ZNF283: variants seen among roughly 807,000 people sequenced by gnomAD.
ZNF283 encodes the protein zinc finger protein 41.
Under a neutral mutation model 9.2 loss-of-function variants are expected in ZNF283, and 10 were observed. That is an observed-to-expected ratio of 1.09 (90% CI 0.67 to 1.85). The LOEUF (loss-of-function observed/expected upper bound fraction) is 1.85, where lower values mean the gene tolerates loss of function less well. Ranked by LOEUF, ZNF283 falls within the 40% of genes most tolerant of loss-of-function variation. The probability of loss-of-function intolerance (pLI) is 0.00; values close to 1 mark genes in which losing one functional copy is unlikely to be tolerated. For missense variants in ZNF283, 631 were observed against 760.1 expected (o/e 0.83, Z 2.00); for synonymous variants, 234 against 244.1 (o/e 0.96, Z 0.38).
intron 6 of ZNF283, among the ~76,000 whole-genome samples, chr19:43,839,767 T>A (rs1971125198): frequency 6.6e-6 from 1 of 152,174 alleles, no homozygotes; most frequent in Non-Finnish European, 1.5e-5. Context: ...TTGGTTCCTT[T>A]TTTTTATAAT....
In ZNF283 at chr19:43,836,593, A is replaced by C. The variant is rs185086170; in HGVS notation, c.211-460A>C. Among the ~76,000 whole-genome samples, 329 of 152,272 alleles carry C rather than the reference A, an allele frequency of 2.2e-3. 4 individuals are homozygous for C. The highest frequency in any genetic ancestry group is 7.4e-3 in the African/African-American group (308 of 41,566). On this transcript the variant is annotated intron_variant, in intron 5 of 6. Transcript: ENST00000618787. ...TGACCTCAAGTGATTTGCCTGCCTC[A>C]GCCTCCCAAAGTGCTTGGGATTACG...
chr19:43,850,855 T>C lies in ZNF283; in HGVS notation c.*2214T>C, dbSNP rs1428690158. ...GTTAGTTATGAAGAAATAGAGTGTG[T>C]GTTTATATACTCACACAGTTAGAAA... On this transcript the variant is annotated 3_prime_UTR_variant, in exon 7 of 7. Coordinates refer to ENST00000618787, the MANE Select transcript of ZNF283 (RefSeq NM_181845.2). 1 of 152,220 alleles carries C rather than the reference T, an allele frequency of 6.6e-6. No individual in the cohort carries two copies. Among genetic ancestry groups the C allele is most frequent in the Non-Finnish European group, 1.5e-5 (1 of 68,036 alleles). 9.4% of individuals were successfully genotyped at this position (152,220 alleles called of 1,614,324 possible). A position where few individuals can be genotyped will look rare whatever the true frequency, so the allele number is the denominator to read the frequency against.
chr19:43,835,080 G>T (rs771160229), intron 4 of ZNF283, among the ~76,000 whole-genome samples: 1 of 151,974 alleles, frequency 6.6e-6, no homozygotes, highest in Admixed American at 6.6e-5. Context: ...GATGTTCTGC[G>T]TCATGAATAT....
rs1398972851 is a variant in ZNF283, at chr19:43,830,768, T to TG, written c.-64-548dup. ...AATTACAAAAATTAGCCGGGCGTGGTGGCGTGCACCTGTAGACCCAGCTAT... is the reference window on the plus strand; with the variant it reads ...AATTACAAAAATTAGCCGGGCGTGGTGGGCGTGCACCTGTAGACCCAGCTAT... On this transcript the variant is annotated intron_variant, in intron 2 of 6. Transcript: ENST00000618787. 5.3e-5 allele frequency among the ~76,000 whole-genome samples: 8 copies of TG among 151,992 alleles called. No homozygotes were observed. In the East Asian group the frequency reaches 9.7e-4, roughly 18 times the overall value.
At position 43,848,233 on chromosome 19, in the gene ZNF283, A is replaced by AT. The variant is rs1489536185; in HGVS notation, c.1633dup (p.Cys545LeufsTer2). Reference sequence around the variant, plus strand: ...TCCATACAGGGGAGAAACCCTATGAATGTAAAGAATGTGGGAAGGCTTTTA... The same window carrying AT: ...TCCATACAGGGGAGAAACCCTATGAATTGTAAAGAATGTGGGAAGGCTTTTA... On this transcript the variant is annotated frameshift_variant, in exon 7 of 7. Coordinates refer to ENST00000618787, the MANE Select transcript of ZNF283 (RefSeq NM_181845.2). LOFTEE classifies it low-confidence loss of function (END_TRUNC). The AT allele has an allele frequency of 6.2e-7, 1 of 1,613,894 alleles. No homozygotes were observed. The highest frequency in any genetic ancestry group is 1.1e-5 in the South Asian group (1 of 91,066).
chr19:43,832,549 A>C (rs1332345432), intron 3 of ZNF283, among the ~76,000 whole-genome samples: 3 of 152,194 alleles, frequency 2.0e-5, no homozygotes, highest in African/African-American at 7.2e-5. Flanking sequence ...TTTTGCTCAC[A>C]TTGTTATTTA....
intron 6 of ZNF283, among the ~76,000 whole-genome samples, chr19:43,839,575 G>C (rs1209007483): frequency 6.6e-6 from 1 of 152,026 alleles, no homozygotes; most frequent in East Asian, 1.9e-4. Flanking sequence ...TGATGTGTAT[G>C]TTGGTGTGCT....
intron 6 of ZNF283, among the ~76,000 whole-genome samples, chr19:43,844,233 T>A (rs1478453706): frequency 6.6e-6 from 1 of 151,976 alleles, no homozygotes; most frequent in East Asian, 1.9e-4. Flanking sequence ...AATATATAAC[T>A]ACATAAACTA....
intron 6 of ZNF283, 116 bp downstream of exon 6, chr19:43,837,295 C>A: frequency 7.3e-6 from 8 of 1,091,022 alleles, no homozygotes; most frequent in East Asian, 2.6e-5. Context: ...TCCCCCTTCC[C>A]AAGGGCATGC....
chr19:43,847,434 T>C lies in ZNF283; in HGVS notation c.833T>C (p.Leu278Pro). The C allele has an allele frequency of 6.2e-7, 1 of 1,614,042 alleles. No homozygotes were observed. Among genetic ancestry groups the C allele is most frequent in the Non-Finnish European group, 8.5e-7 (1 of 1,179,952 alleles). ...AAGACCTTTAGCTGGGGATCAAGCCTTGTTAAACATGAGAGAATTCACACT... is the reference window on the plus strand; with the variant it reads ...AAGACCTTTAGCTGGGGATCAAGCCCTGTTAAACATGAGAGAATTCACACT... ...CGKTFSWGSSLVKHERIHTGE... is the reference protein window; with the variant it reads ...CGKTFSWGSSPVKHERIHTGE... Residue 278 changes from leucine to proline, a missense_variant, in exon 7 of 7, where the codon CTT becomes CCT. Coordinates refer to ENST00000618787, the MANE Select transcript of ZNF283 (RefSeq NM_181845.2).
Position 43,848,487 on chromosome 19 carries a change from G to T in ZNF283, c.1886G>T (p.Arg629Leu), listed in dbSNP as rs1061768. 1 of 1,613,362 alleles carries T rather than the reference G, an allele frequency of 6.2e-7. No individual in the cohort carries two copies. Among genetic ancestry groups the T allele is most frequent in the Non-Finnish European group, 8.5e-7 (1 of 1,179,504 alleles). The change falls in exon 7 of 7, where the codon CGT becomes CTT. Residue 629 changes from arginine to leucine, a missense_variant. By Grantham distance (102) the Arg-to-Leu change is moderately radical. Transcript: ENST00000618787. ...RFHTGEKLYQ[R>L]KEFGKTFTCG... ...CATACTGGTGAGAAGCTTTATCAAC[G>T]TAAGGAATTCGGGAAGACCTTTACT...
chr19:43,848,183 T>A lies in ZNF283; in HGVS notation c.1582T>A (p.Ser528Thr). 1 of 1,613,884 alleles carries A rather than the reference T, an allele frequency of 6.2e-7. No individual in the cohort carries two copies. The highest frequency in any genetic ancestry group is 8.5e-7 in the Non-Finnish European group (1 of 1,179,924). Residue 528 changes from serine (S) to threonine (T), a missense_variant, in exon 7 of 7, where the codon TCA becomes ACA. Coordinates refer to ENST00000618787, the MANE Select transcript of ZNF283 (RefSeq NM_181845.2). ...KECGKAFNCGSSLVQHERIHT... is the reference protein window; with the variant it reads ...KECGKAFNCGTSLVQHERIHT... Reference sequence around the variant, plus strand: ...ATGTGGGAAGGCTTTTAATTGTGGATCAAGCCTTGTTCAACATGAAAGAAT... The same window carrying A: ...ATGTGGGAAGGCTTTTAATTGTGGAACAAGCCTTGTTCAACATGAAAGAAT...
Position 43,851,068 on chromosome 19 carries a change from A to G in ZNF283, c.*2427A>G, listed in dbSNP as rs925299484. Reference sequence around the variant, plus strand: ...CACCATCTAGTGATCATCATTCTACATGATTGCACTTTTTCAAAGGCATAA... The same window carrying G: ...CACCATCTAGTGATCATCATTCTACGTGATTGCACTTTTTCAAAGGCATAA... On this transcript the variant is annotated 3_prime_UTR_variant, in exon 7 of 7. Transcript: ENST00000618787. The G allele has an allele frequency of 6.6e-6, 1 of 152,312 alleles. No homozygotes were observed. Among genetic ancestry groups the G allele is most frequent in the Admixed American group, 6.5e-5 (1 of 15,296 alleles). The allele number at this position is 152,312 out of a possible 1,614,324, so 9.4% of individuals were successfully genotyped here.
At chr19:43,843,653 G>T (rs568972674) in intron 6 of ZNF283, among the ~76,000 whole-genome samples, 9 of 152,116 alleles carry the variant, frequency 5.9e-5, no homozygotes, top group Non-Finnish European at 1.3e-4. Context: ...AGTGAACTAC[G>T]TCAACATTTC....
At chr19:43,841,890 A>G (rs910170688) in intron 6 of ZNF283, among the ~76,000 whole-genome samples, 21 of 152,200 alleles carry the variant, frequency 1.4e-4, no homozygotes, top group Admixed American at 5.9e-4. Context: ...CATTTTATAT[A>G]TACTTTATTC....
chr19:43,838,886 A>G (rs113440852), intron 6 of ZNF283, among the ~76,000 whole-genome samples: 12 of 152,296 alleles, frequency 7.9e-5, no homozygotes, highest in African/African-American at 2.9e-4. Context: ...TCCCTTGTCT[A>G]GTTTTACAAT....
intron 6 of ZNF283, among the ~76,000 whole-genome samples, chr19:43,841,677 C>T (rs1599725249): frequency 6.6e-6 from 1 of 152,182 alleles, no homozygotes; most frequent in South Asian, 2.1e-4. Flanking sequence ...AGGTGATCCA[C>T]CTGCCTTGGC....
chr19:43,842,899 G>C (rs551231078), intron 6 of ZNF283, among the ~76,000 whole-genome samples: 1 of 152,126 alleles, frequency 6.6e-6, no homozygotes, highest in African/African-American at 2.4e-5. Context: ...TGAAGAAGCA[G>C]TATTCATTTT....
At position 43,848,479 on chromosome 19, in the gene ZNF283, T is replaced by C. The variant is rs1414986771; in HGVS notation, c.1878T>C (p.Leu626=). 2 of 1,613,588 alleles carry C rather than the reference T, an allele frequency of 1.2e-6. No homozygotes were observed. The highest frequency in any genetic ancestry group is 4.5e-5 in the East Asian group (2 of 44,868). Residue 626 remains leucine (L), a synonymous_variant, in exon 7 of 7, where the codon CTT becomes CTC. Coordinates refer to ENST00000618787, the MANE Select transcript of ZNF283 (RefSeq NM_181845.2). ...AGAGATTTCATACTGGTGAGAAGCT[T>C]TATCAACGTAAGGAATTCGGGAAGA... is the stretch of plus-strand genomic sequence containing the variant. ...VHQRFHTGEK[L]YQRKEFGKTF...
Sources: gnomAD v4.1 joint callset for allele counts (sites outside exome capture counted in the v4.1 genomes callset) on GRCh38, gnomAD v4.1.1 for gene constraint, MANE v1.5 for transcripts, NCBI Gene and HGNC (gene_info 2026-07-23, HGNC 2026-07-21) for gene names.